ADAM28: variants seen among roughly 807,000 people sequenced by gnomAD.
ADAM28 encodes ADAM metallopeptidase domain 28, also known as disintegrin and metalloproteinase domain-containing protein 28.
A neutral mutation model predicts 101.2 loss-of-function variants in ADAM28; 105 were observed. The ratio of observed to expected loss-of-function variants is 1.04; its 90% CI spans 0.89 to 1.22. ADAM28 has a LOEUF of 1.22. Ranked by LOEUF, ADAM28 falls within the 50% of genes most tolerant of loss-of-function variation. The pLI is 0.00. For synonymous variants in ADAM28, 322 were observed against 310.6 expected, an observed-to-expected ratio of 1.04 and a Z score of -0.39; for missense variants, 1,028 against 945.4, an observed-to-expected ratio of 1.09 and a Z score of -1.15.
rs1810755591 is a variant in ADAM28, at chr8:24,313,545, CA to C, written c.542del (p.Gln181ArgfsTer11). ...MDGVLWAHDLQQNIALPATKL... is the reference protein window; with the variant it reads ...MDGVLWAHDLXQNIALPATKL... ...TGGTGTGTTGTGGGCCCACGATTTGCAGCAGAACATTGCCCTACCTGCCACC... is the reference window on the plus strand; with the variant it reads ...TGGTGTGTTGTGGGCCCACGATTTGCGCAGAACATTGCCCTACCTGCCACC... On this transcript the variant is annotated frameshift_variant, in exon 6 of 23. Transcript: ENST00000265769. LOFTEE classifies it high-confidence loss of function. The C allele has an allele frequency of 1.9e-6, 3 of 1,613,570 alleles. No homozygotes were observed. In the African/African-American group the frequency reaches 4.0e-5, roughly 22 times the overall value.
chr8:24,326,406 T>A, intron 9 of ADAM28, 148 bp from the exon 10 acceptor site: 3 of 630,038 alleles, frequency 4.8e-6, no homozygotes. Flanking sequence ...GAAAAATGCC[T>A]TATGCAAATT....
chr8:24,343,664 T>C (rs569618892), intron 18 of ADAM28, 80 bp downstream of exon 18: 228 of 1,272,730 alleles, frequency 1.8e-4, no homozygotes, highest in Non-Finnish European at 2.3e-4. Flanking sequence ...GAGATTTCAC[T>C]GCTTCTTTTC....
intron 16 of ADAM28, 129 bp downstream of exon 16, chr8:24,341,886 C>A: frequency 1.8e-6 from 2 of 1,092,878 alleles, no homozygotes; most frequent in African/African-American, 1.6e-5. Flanking sequence ...CTTAATAGAA[C>A]CCACAGAGTT....
intron 8 of ADAM28, among the ~76,000 whole-genome samples, chr8:24,322,260 A>C (rs1053123959): frequency 7.9e-5 from 12 of 151,972 alleles, no homozygotes; most frequent in Admixed American, 4.6e-4. Context: ...AACTGGCCTT[A>C]GACTCAGAGA....
intron 1 of ADAM28, 76 bp downstream of exon 1, chr8:24,294,271 T>A: frequency 6.7e-7 from 1 of 1,492,152 alleles, no homozygotes; most frequent in Non-Finnish European, 9.3e-7. Context: ...AGTTTTATTG[T>A]ATAAACTATT....
chr8:24,295,100 C>T (rs1054559242), intron 1 of ADAM28, among the ~76,000 whole-genome samples: 1 of 152,096 alleles, frequency 6.6e-6, no homozygotes, highest in Non-Finnish European at 1.5e-5. Context: ...GTCCATGCAC[C>T]CTCTTAGTAC....
intron 19 of ADAM28, among the ~76,000 whole-genome samples, chr8:24,350,196 TATA>T (rs1193928551): frequency 2.6e-5 from 4 of 152,314 alleles, no homozygotes; most frequent in East Asian, 1.9e-4. Flanking sequence ...TCACCGTAGT[TATA>T]ATAATAAGAG....
chr8:24,336,205 C>G, intron 14 of ADAM28: 2 of 948,760 alleles, frequency 2.1e-6, no homozygotes, highest in South Asian at 9.7e-5. Flanking sequence ...ATTTTAGAGA[C>G]CATATTCTCT....
chr8:24,320,534 T>G (rs1263421360), intron 7 of ADAM28, among the ~76,000 whole-genome samples: 2 of 152,006 alleles, frequency 1.3e-5, no homozygotes, highest in Non-Finnish European at 2.9e-5. Context: ...TGTTGGCACT[T>G]ATAACACTAT....
intron 11 of ADAM28, among the ~76,000 whole-genome samples, chr8:24,330,941 C>A (rs1449407964): frequency 2.0e-5 from 3 of 152,064 alleles, no homozygotes; most frequent in Non-Finnish European, 4.4e-5. Context: ...GGCCTGGATG[C>A]TACACATTGA....
chr8:24,321,460 T>A, intron 8 of ADAM28, 171 bp downstream of exon 8: 3 of 661,914 alleles, frequency 4.5e-6, no homozygotes, highest in Non-Finnish European at 8.4e-6. Flanking sequence ...TGAACATGAA[T>A]ATTAATACCA....
intron 2 of ADAM28, among the ~76,000 whole-genome samples, chr8:24,301,705 C>G (rs1478860369): frequency 6.6e-6 from 1 of 152,120 alleles, no homozygotes; most frequent in Non-Finnish European, 1.5e-5. Flanking sequence ...TTTGTGGCTG[C>G]CTATCCAAGC....
chr8:24,353,297 G>A (rs1466071685), intron 21 of ADAM28, among the ~76,000 whole-genome samples: 1 of 151,948 alleles, frequency 6.6e-6, no homozygotes, highest in East Asian at 1.9e-4. Context: ...CCATATATAA[G>A]CAAACCTGGA....
chr8:24,351,485 A>C, intron 20 of ADAM28, 175 bp downstream of exon 20: 3 of 706,148 alleles, frequency 4.2e-6, no homozygotes, highest in Non-Finnish European at 5.1e-6. Flanking sequence ...TGCCGAGGCT[A>C]CTTTGCCGGG....
intron 2 of ADAM28, among the ~76,000 whole-genome samples, chr8:24,307,155 A>G (rs1477833032): frequency 1.3e-5 from 2 of 152,176 alleles, no homozygotes; most frequent in African/African-American, 2.4e-5. Context: ...AGCAAATACT[A>G]TTTGAAACGA....
At chr8:24,326,677 A>G in intron 10 of ADAM28, 42 bp downstream of exon 10, 1 of 1,563,086 alleles carries the variant, frequency 6.4e-7, no homozygotes. Flanking sequence ...ATTTACATTT[A>G]TCAAATGCTT....
intron 8 of ADAM28, 177 bp downstream of exon 8, chr8:24,321,466 T>TA: frequency 1.5e-6 from 1 of 650,348 alleles, no homozygotes. Context: ...TGAATATTAA[T>TA]ACCACAAACC....
intron 2 of ADAM28, among the ~76,000 whole-genome samples, chr8:24,301,631 C>G (rs571456089): frequency 6.6e-6 from 1 of 152,120 alleles, no homozygotes; most frequent in African/African-American, 2.4e-5. Flanking sequence ...ATAGCTTATA[C>G]GTTTTCTAGC....
Position 24,343,950 on chromosome 8 carries a change from A to G in ADAM28, c.1990+366A>G, listed in dbSNP as rs546465298. Among the ~76,000 whole-genome samples, 3 of 152,210 alleles carry G rather than the reference A, an allele frequency of 2.0e-5. No homozygotes were observed. The South Asian group carries it at 6.2e-4, about 32-fold the overall frequency. Reference sequence around the variant, plus strand: ...CCTATTATTTTGTATGTTCAGTTCTATTCTTTGAATTATCTGTTTCTTTTG... The same window carrying G: ...CCTATTATTTTGTATGTTCAGTTCTGTTCTTTGAATTATCTGTTTCTTTTG... On this transcript the variant is annotated intron_variant, in intron 18 of 22. Coordinates refer to ENST00000265769, the MANE Select transcript of ADAM28 (RefSeq NM_014265.6).
Sources: allele counts gnomAD v4.1 joint callset (sites outside exome capture counted in the v4.1 genomes callset), GRCh38; gene constraint gnomAD v4.1.1; transcripts MANE v1.5; gene names NCBI Gene and HGNC (gene_info 2026-07-23, HGNC 2026-07-21).